Variants in CCZ1B observed in about 807,000 individuals in gnomAD.
The protein encoded by CCZ1B is vacuolar fusion protein CCZ1 homolog B.
CCZ1B carries 25 observed loss-of-function variants against 58.8 expected under a neutral mutation model. That is an observed-to-expected ratio of 0.43 (90% CI 0.31 to 0.59). CCZ1B has a LOEUF of 0.59. Among genes scored for constraint, CCZ1B ranks in the 20% least tolerant of loss-of-function variants. The pLI, the probability that CCZ1B is intolerant of heterozygous loss-of-function variation, is 0.12. For missense variants in CCZ1B, 180 were observed against 501.5 expected, an observed-to-expected ratio of 0.36 and a Z score of 6.12; for synonymous variants, 66 against 173.2, an observed-to-expected ratio of 0.38 and a Z score of 4.86.
At chr7:6,814,052 C>T (rs62441809) in intron 8 of CCZ1B, among the ~76,000 whole-genome samples, 27,800 of 147,772 alleles carry the variant, frequency 0.19, 3,845 homozygotes, top group South Asian at 0.38. Flanking sequence ...AGCCTGAGGC[C>T]GGAGAATTGT....
intron 8 of CCZ1B, among the ~76,000 whole-genome samples, chr7:6,813,636 G>A (rs1410108067): frequency 1.3e-5 from 2 of 149,492 alleles, no homozygotes; most frequent in Non-Finnish European, 3.0e-5. Flanking sequence ...TGATTTTTGT[G>A]TGTTAAGCTC....
rs1046202799 is a variant in CCZ1B at position 6,820,102 on chromosome 7, G to C, written c.523-161C>G. Among the ~76,000 whole-genome samples, 9 of 147,930 alleles carry C rather than the reference G, an allele frequency of 6.1e-5. 1 individual carries two copies. Among genetic ancestry groups the C allele is most frequent in the Non-Finnish European group, 1.2e-4 (8 of 67,244 alleles). ...CCGTGGTGAAGACATGGGTGACTGA[G>C]TGTCAACTCAGTACCAATTCCAAGA... is the stretch of plus-strand genomic sequence containing the variant. On this transcript the variant is annotated intron_variant, in intron 6 of 14. Transcript: ENST00000316731.
intron 1 of CCZ1B, 45 bp downstream of exon 1, chr7:6,826,033 G>C: frequency 1.8e-6 from 1 of 545,518 alleles, no homozygotes; most frequent in Non-Finnish European, 3.0e-6. Context: ...CACCTTCCCG[G>C]GGAACACCGG....
At chr7:6,816,333 T>C (rs1315341254) in intron 7 of CCZ1B, among the ~76,000 whole-genome samples, 3 of 148,806 alleles carry the variant, frequency 2.0e-5, no homozygotes, top group Admixed American at 6.7e-5. Context: ...ATATAAAAAT[T>C]TGCTAGGCCT....
At chr7:6,801,870 G>A (rs1168405076) in intron 12 of CCZ1B, among the ~76,000 whole-genome samples, 4 of 115,974 alleles carry the variant, frequency 3.4e-5, no homozygotes, top group East Asian at 3.1e-4. Context: ...CCCCGCGCCC[G>A]GCCCTGGCCC....
chr7:6,815,708 T>C (rs1782989439), intron 7 of CCZ1B, among the ~76,000 whole-genome samples: 1 of 149,188 alleles, frequency 6.7e-6, no homozygotes, highest in Admixed American at 6.7e-5. Flanking sequence ...AACTTTATCC[T>C]GACCTGCAAA....
At chr7:6,800,244 C>T (rs1293773761) in intron 14 of CCZ1B, among the ~76,000 whole-genome samples, 2 of 136,426 alleles carry the variant, frequency 1.5e-5, no homozygotes, top group Non-Finnish European at 3.1e-5. Flanking sequence ...GCCGCTTTGG[C>T]GGGAAGGCAG....
intron 8 of CCZ1B, 149 bp downstream of exon 8, chr7:6,814,615 C>G: frequency 1.7e-6 from 1 of 571,908 alleles, no homozygotes; most frequent in Non-Finnish European, 3.0e-6. Context: ...GTTTTCTGTG[C>G]TAATTGATAT....
chr7:6,814,546 C>A, intron 8 of CCZ1B: 2 of 420,394 alleles, frequency 4.8e-6, no homozygotes, highest in Middle Eastern at 5.9e-4. Context: ...CACAGACACA[C>A]AAAACGATGC....
chr7:6,823,679 T>C (rs1783150801), intron 4 of CCZ1B, among the ~76,000 whole-genome samples: 1 of 152,138 alleles, frequency 6.6e-6, no homozygotes, highest in South Asian at 2.1e-4. Context: ...CCACCATCCC[T>C]GGCCAGTTTT....
intron 7 of CCZ1B, 118 bp downstream of exon 7, chr7:6,819,648 C>A (rs975350342): frequency 3.2e-6 from 2 of 616,544 alleles, no homozygotes; most frequent in African/African-American, 2.0e-5. Flanking sequence ...TATGAAGATG[C>A]TTCCTACCCA....
At chr7:6,817,662 G>T (rs1327647695) in intron 7 of CCZ1B, among the ~76,000 whole-genome samples, 2 of 149,738 alleles carry the variant, frequency 1.3e-5, no homozygotes, top group Non-Finnish European at 3.0e-5. Flanking sequence ...ATCACAGAAA[G>T]CAACTATAGC....
At chr7:6,820,259 A>T (rs1783087241) in intron 6 of CCZ1B, among the ~76,000 whole-genome samples, 1 of 149,354 alleles carries the variant, frequency 6.7e-6, no homozygotes, top group African/African-American at 2.5e-5. Flanking sequence ...GCTTACTGCA[A>T]GCTCCGCCTT....
chr7:6,822,742 C>T (rs1424988788), intron 5 of CCZ1B, among the ~76,000 whole-genome samples: 3 of 120,004 alleles, frequency 2.5e-5, no homozygotes, highest in Admixed American at 9.8e-5. Flanking sequence ...CTCGCTGTTG[C>T]CCAGGGTAGA....
intron 7 of CCZ1B, among the ~76,000 whole-genome samples, chr7:6,818,282 C>T (rs1165855101): frequency 6.7e-6 from 1 of 149,852 alleles, no homozygotes; most frequent in Non-Finnish European, 1.5e-5. Context: ...GGTGCGGTGG[C>T]TCACACCTGT....
At position 6,819,908 on chromosome 7, in the gene CCZ1B, G is replaced by C. The variant is rs1783080761; in HGVS notation, c.556C>G (p.Leu186Val). The C allele has an allele frequency of 6.2e-7, 1 of 1,604,696 alleles. No individual in the cohort carries two copies. Among genetic ancestry groups the C allele is most frequent in the Admixed American group, 1.7e-5 (1 of 59,098 alleles). The stretch of plus-strand genomic sequence containing the variant: ...CTGATTCCACCAAAAATGTCAAGTA[G>C]GTCACATGACTGCAAATGTAGCGTT... ...LQTLHLQSCD[L>V]LDIFGGISFF... The change falls in exon 7 of 15, where the codon CTA (leucine) becomes GTA (valine). Residue 186 changes from leucine (L) to valine (V), a missense_variant. Leu to Val is a conservative substitution (Grantham distance 32). Coordinates refer to ENST00000316731, the MANE Select transcript of CCZ1B (RefSeq NM_198097.5).
At chr7:6,812,097 C>T (rs1243855921) in intron 9 of CCZ1B, 34 bp from the exon 10 acceptor site, 16 of 895,884 alleles carry the variant, frequency 1.8e-5, no homozygotes, top group Admixed American at 9.6e-5. Flanking sequence ...CTTGATTCAA[C>T]GAGGTGAAGG....
rs540996625 is a variant in CCZ1B, at chr7:6,820,264, C to T, written c.523-323G>A. Among the ~76,000 whole-genome samples, 23 of 149,546 alleles carry T rather than the reference C, an allele frequency of 1.5e-4. 1 individual carries two copies. The highest frequency in any genetic ancestry group is 5.8e-4 in the East Asian group (3 of 5,170). The stretch of plus-strand genomic sequence containing the variant: ...TGCGATCTCAGCTTACTGCAAGCTC[C>T]GCCTTCCAGGTTCACACCATTCTCC... On this transcript the variant is annotated intron_variant, in intron 6 of 14. Coordinates refer to ENST00000316731, the MANE Select transcript of CCZ1B (RefSeq NM_198097.5).
chr7:6,819,386 C>T (rs1481219501), intron 7 of CCZ1B, among the ~76,000 whole-genome samples: 1 of 148,008 alleles, frequency 6.8e-6, no homozygotes, highest in Non-Finnish European at 1.5e-5. Context: ...CAGGCATGCA[C>T]CACCACGCCC....
Sources: gnomAD v4.1 joint callset for allele counts (sites outside exome capture counted in the v4.1 genomes callset) on GRCh38, gnomAD v4.1.1 for gene constraint, MANE v1.5 for transcripts, NCBI Gene and HGNC (gene_info 2026-07-23, HGNC 2026-07-21) for gene names.